CENPH: variants seen among roughly 807,000 people sequenced by gnomAD.
The protein encoded by CENPH is CENP-H.
Under a neutral mutation model 42.9 loss-of-function variants are expected in CENPH, and 40 were observed. The observed-to-expected ratio is 0.93, with a 90% CI of 0.72 to 1.21. The LOEUF is 1.21. CENPH is among the 50% of genes most tolerant of loss of function. The probability of loss-of-function intolerance (pLI) is 0.00; values close to 1 mark genes in which losing one functional copy is unlikely to be tolerated. For missense variants in CENPH, 302 were observed against 292.9 expected, an observed-to-expected ratio of 1.03 and a Z score of -0.23; for synonymous variants, 88 against 96.5, an observed-to-expected ratio of 0.91 and a Z score of 0.52.
intron 1 of CENPH, among the ~76,000 whole-genome samples, chr5:69,190,716 C>A (rs1233346255): frequency 1.3e-5 from 2 of 152,090 alleles, no homozygotes; most frequent in Admixed American, 6.6e-5. Flanking sequence ...ATGGTGAAAC[C>A]CCGTCTCTAC....
chr5:69,194,607 T>C, intron 2 of CENPH, 40 bp from the exon 3 acceptor site: 1 of 1,252,982 alleles, frequency 8.0e-7, no homozygotes, highest in Non-Finnish European at 1.1e-6. Flanking sequence ...ACAGCACCTC[T>C]CTAAAATGTT....
intron 5 of CENPH, among the ~76,000 whole-genome samples, chr5:69,199,008 C>G (rs1210562310): frequency 2.0e-5 from 3 of 151,994 alleles, no homozygotes; most frequent in Admixed American, 6.6e-5. Flanking sequence ...AGGACAGATT[C>G]ATCACATTGT....
chr5:69,197,210 T>A, intron 5 of CENPH, 101 bp downstream of exon 5: 1 of 627,782 alleles, frequency 1.6e-6, no homozygotes, highest in Non-Finnish European at 2.5e-6. Context: ...TACCTTTGTC[T>A]GGGGAATAAG....
intron 3 of CENPH, 45 bp from the exon 4 acceptor site, chr5:69,195,670 CTT>C (rs1747950960): frequency 9.2e-7 from 1 of 1,086,916 alleles, no homozygotes; most frequent in Non-Finnish European, 1.4e-6. Flanking sequence ...TCAATAATGT[CTT>C]TTTCTGATAT....
At chr5:69,191,157 G>T (rs972817973) in intron 1 of CENPH, among the ~76,000 whole-genome samples, 18 of 152,074 alleles carry the variant, frequency 1.2e-4, no homozygotes, top group African/African-American at 4.3e-4. Flanking sequence ...CAGTGGTTTG[G>T]GGTTTAATCA....
intron 8 of CENPH, among the ~76,000 whole-genome samples, chr5:69,209,084 C>T (rs942296827): frequency 2.0e-5 from 3 of 152,244 alleles, no homozygotes; most frequent in South Asian, 2.1e-4. Context: ...CTTGAGCCAC[C>T]GCACCCAGCA....
At chr5:69,197,001 G>A in intron 4 of CENPH, 52 bp from the exon 5 acceptor site, 1 of 1,154,650 alleles carries the variant, frequency 8.7e-7, no homozygotes, top group Non-Finnish European at 1.2e-6. Flanking sequence ...TTTTTTTAAT[G>A]TACCACAAAT....
chr5:69,193,798 C>T (rs963320343), intron 2 of CENPH, among the ~76,000 whole-genome samples: 9 of 151,738 alleles, frequency 5.9e-5, no homozygotes, highest in African/African-American at 1.4e-4. Context: ...ATTACAGGCA[C>T]CTGCCACCAT....
chr5:69,193,094 T>C (rs183781785), intron 2 of CENPH, among the ~76,000 whole-genome samples: 1 of 151,640 alleles, frequency 6.6e-6, no homozygotes, highest in African/African-American at 2.4e-5. Context: ...CAAAACTCCG[T>C]CTCAAAAACA....
At chr5:69,208,062 C>T in intron 7 of CENPH, 134 bp from the exon 8 acceptor site, 1 of 473,864 alleles carries the variant, frequency 2.1e-6, no homozygotes, top group Non-Finnish European at 3.7e-6. Context: ...AATAAAGTTG[C>T]AACCTAAAAT....
intron 5 of CENPH, among the ~76,000 whole-genome samples, chr5:69,198,699 G>A (rs1748007673): frequency 6.6e-6 from 1 of 152,166 alleles, no homozygotes; most frequent in African/African-American, 2.4e-5. Flanking sequence ...TTGGGAGCCT[G>A]AGGCAGGAGG....
rs1414164365 is a variant in CENPH at position 69,208,191 on chromosome 5, AAC to A, written c.488-3_488-2del. On this transcript the variant is annotated splice_polypyrimidine_tract_variant and splice_region_variant and intron_variant, in intron 7 of 8. Coordinates refer to ENST00000283006, the MANE Select transcript of CENPH (RefSeq NM_022909.4). ...TGGTATATTATTTTATTTTTAACCT[AAC>A]AGAATTAAAACAAGCTTCAGAAAGT... 2 of 1,462,260 alleles carry A rather than the reference AAC, an allele frequency of 1.4e-6. No homozygotes were observed. The highest frequency in any genetic ancestry group is 1.9e-6 in the Non-Finnish European group (2 of 1,053,990). The allele number at this position is 1,462,260 out of a possible 1,614,324, so 90.6% of individuals were successfully genotyped here.
chr5:69,197,253 G>T, intron 5 of CENPH, 144 bp downstream of exon 5: 1 of 453,942 alleles, frequency 2.2e-6, no homozygotes. Context: ...GTCCTCCCCA[G>T]AATTACAGCA....
intron 5 of CENPH, among the ~76,000 whole-genome samples, chr5:69,201,139 T>G (rs1225810530): frequency 6.6e-6 from 1 of 152,038 alleles, no homozygotes; most frequent in Non-Finnish European, 1.5e-5. Context: ...AATCAGCATA[T>G]CTGAAGGTCA....
chr5:69,207,664 C>G (rs1451748443), intron 7 of CENPH: 1 of 151,682 alleles, frequency 6.6e-6, no homozygotes, highest in Non-Finnish European at 1.5e-5. Flanking sequence ...CAAACATTAG[C>G]CAGGTGTGGT....
At chr5:69,204,082 A>AT (rs1748108531) in intron 7 of CENPH, among the ~76,000 whole-genome samples, 1 of 110,066 alleles carries the variant, frequency 9.1e-6, no homozygotes, top group Non-Finnish European at 1.9e-5. Flanking sequence ...ATATATAAAT[A>AT]TATATAATTT....
At position 69,191,788 on chromosome 5, in the gene CENPH, T is replaced by G. The variant is rs1404885144; in HGVS notation, c.135-7T>G. The G allele has an allele frequency of 6.6e-7, 1 of 1,524,412 alleles. No homozygotes were observed. The highest frequency in any genetic ancestry group is 9.1e-7 in the Non-Finnish European group (1 of 1,099,726). 94.4% of individuals were successfully genotyped at this position (1,524,412 alleles called of 1,614,324 possible). A position where few individuals can be genotyped will look rare whatever the true frequency, so the allele number is the denominator to read the frequency against. Reference sequence around the variant, plus strand: ...TGTGACTTTATATTCTCTTTATCTGTTTTCAGGCTGAGAGCACAGACAAAA... The same window carrying G: ...TGTGACTTTATATTCTCTTTATCTGGTTTCAGGCTGAGAGCACAGACAAAA... On this transcript the variant is annotated splice_polypyrimidine_tract_variant and splice_region_variant and intron_variant, in intron 1 of 8. Transcript: ENST00000283006.
intron 2 of CENPH, 60 bp downstream of exon 2, chr5:69,191,910 A>G: frequency 9.9e-7 from 1 of 1,014,272 alleles, no homozygotes; most frequent in Non-Finnish European, 1.6e-6. Flanking sequence ...TTTTTGAGAC[A>G]GGGTCTTGCT....
chr5:69,192,219 T>C (rs1747884492), intron 2 of CENPH, among the ~76,000 whole-genome samples: 1 of 152,186 alleles, frequency 6.6e-6, no homozygotes, highest in Non-Finnish European at 1.5e-5. Context: ...ATGCAAGATA[T>C]TTATGAAGTA....
Sources: allele counts gnomAD v4.1 joint callset (sites outside exome capture counted in the v4.1 genomes callset), GRCh38; gene constraint gnomAD v4.1.1; transcripts MANE v1.5; gene names NCBI Gene and HGNC (gene_info 2026-07-23, HGNC 2026-07-21).